DDIAS: variants seen among roughly 807,000 people sequenced by gnomAD.
DDIAS encodes DNA damage induced apoptosis suppressor.
A neutral mutation model predicts 15.7 loss-of-function variants in DDIAS; 14 were observed. The ratio of observed to expected loss-of-function variants is 0.89; its 90% CI spans 0.59 to 1.39. The LOEUF (loss-of-function observed/expected upper bound fraction) is 1.39, where lower values mean the gene tolerates loss of function less well. DDIAS is among the 40% of genes most tolerant of loss of function. The pLI is 0.00. For synonymous variants in DDIAS, 355 were observed against 395.9 expected (o/e 0.90, Z 1.23); for missense variants, 1,035 against 1,130.9 (o/e 0.92, Z 1.22).
At chr11:82,914,311 T>C (rs544800547) in intron 2 of DDIAS, 3 of 192,748 alleles carry the variant, frequency 1.6e-5, no homozygotes, top group African/African-American at 7.2e-5. Flanking sequence ...ATTTGTGCCA[T>C]CATGGTGGCA....
At chr11:82,913,497 A>C (rs1213856784) in intron 2 of DDIAS, 111 bp downstream of exon 2, 4 of 252,422 alleles carry the variant, frequency 1.6e-5, no homozygotes, top group African/African-American at 7.1e-5. Flanking sequence ...CCCCCACCTC[A>C]GTCTCTGAAA....
chr11:82,904,893 G>A (rs1432061823), intron 1 of DDIAS, among the ~76,000 whole-genome samples: 1 of 152,162 alleles, frequency 6.6e-6, no homozygotes, highest in Non-Finnish European at 1.5e-5. Context: ...TCTTCTTCAA[G>A]CAACTTTCTG....
At chr11:82,919,015 G>A (rs980154478) in intron 3 of DDIAS, among the ~76,000 whole-genome samples, 3 of 152,024 alleles carry the variant, frequency 2.0e-5, no homozygotes, top group East Asian at 3.9e-4. Context: ...TAGGGTTTTC[G>A]AGGTAAACAA....
At chr11:82,910,604 CTCTTTTTTTTTTT>C (rs1235509291) in intron 1 of DDIAS, among the ~76,000 whole-genome samples, 1 of 107,640 alleles carries the variant, frequency 9.3e-6, no homozygotes, top group Admixed American at 1.1e-4. Flanking sequence ...CTCTCTCTCT[CTCTTTTTTTTTTT>C]TTTTTTTTTT....
rs1047870518 is a variant in DDIAS at position 82,925,784 on chromosome 11, C to T, written c.114-2993C>T. ...TGGGCGGATCATGAGGTCAGGAGAT[C>T]GAGACCATCCTGGCTAACACGGTGA... On this transcript the variant is annotated intron_variant, in intron 3 of 5. Transcript: ENST00000533655. Among the ~76,000 whole-genome samples the T allele has an allele frequency of 4.6e-5, 7 of 151,886 alleles. No homozygotes were observed. In the East Asian group the frequency reaches 9.7e-4, roughly 21 times the overall value.
At position 82,928,771 on chromosome 11, in the gene DDIAS, T is replaced by C. The variant is rs750089226; in HGVS notation, c.114-6T>C. 2 of 1,612,190 alleles carry C rather than the reference T, an allele frequency of 1.2e-6. No individual in the cohort carries two copies. The highest frequency in any genetic ancestry group is 1.7e-6 in the Non-Finnish European group (2 of 1,179,454). Reference sequence around the variant, plus strand: ...ATCTCCACACTTTTTTCCACCACTTTTCTAGGTCTAATTGTCCAAAATGTG... The same window carrying C: ...ATCTCCACACTTTTTTCCACCACTTCTCTAGGTCTAATTGTCCAAAATGTG... On this transcript the variant is annotated splice_region_variant and splice_polypyrimidine_tract_variant and intron_variant, in intron 3 of 5. Transcript: ENST00000533655.
rs536519497 is a variant in DDIAS at position 82,932,396 on chromosome 11, C to A, written c.1058C>A (p.Thr353Lys). The A allele has an allele frequency of 6.2e-7, 1 of 1,614,038 alleles. No homozygotes were observed. The highest frequency in any genetic ancestry group is 1.1e-5 in the South Asian group (1 of 91,050). The change falls in exon 6 of 6, where the codon ACA becomes AAA. Residue 353 changes from threonine (T) to lysine (K), a missense_variant. Coordinates refer to ENST00000533655, the MANE Select transcript of DDIAS (RefSeq NM_145018.4). ...CGAGAGCCCCTTGAGTCAAGTAATACAAAATCCTTCCACAGTGCAGTGGAA... is the reference window on the plus strand; with the variant it reads ...CGAGAGCCCCTTGAGTCAAGTAATAAAAAATCCTTCCACAGTGCAGTGGAA... ...EMREPLESSNTKSFHSAVEIK... is the reference protein window; with the variant it reads ...EMREPLESSNKKSFHSAVEIK...
Position 82,932,006 on chromosome 11 carries a change from CT to C in DDIAS, c.670del (p.Ser224LeufsTer29). ...AGCAGCATATATACTTCTGACAGCA[CT>C]TCTGATTTTTTCAAGTCCTGCAGCA... is the stretch of plus-strand genomic sequence containing the variant. ...DLSSIYTSDS[T>X]SDFFKSCSKD... On this transcript the variant is annotated frameshift_variant, in exon 6 of 6. Transcript: ENST00000533655. LOFTEE classifies it low-confidence loss of function (END_TRUNC). The C allele has an allele frequency of 6.2e-7, 1 of 1,614,168 alleles. No homozygotes were observed. Among genetic ancestry groups the C allele is most frequent in the Non-Finnish European group, 8.5e-7 (1 of 1,180,030 alleles).
At chr11:82,928,241 CAGGCTGT>C (rs1264272108) in intron 3 of DDIAS, among the ~76,000 whole-genome samples, 1 of 117,832 alleles carries the variant, frequency 8.5e-6, no homozygotes, top group Non-Finnish European at 1.6e-5. Flanking sequence ...CTCTGCCCCC[CAGGCTGT>C]AGTGCAGTGG....
rs1278258912 is a variant in DDIAS, at chr11:82,909,536, CATAA to C, written c.-116-3745_-116-3742del. Among the ~76,000 whole-genome samples, 11 of 152,130 alleles carry C rather than the reference CATAA, an allele frequency of 7.2e-5. 1 individual carries two copies. Among genetic ancestry groups the C allele is most frequent in the African/African-American group, 2.7e-4 (11 of 41,430 alleles). On this transcript the variant is annotated intron_variant, in intron 1 of 5. Transcript: ENST00000533655. ...TTTATTCAAACACATCTGACAGAAT[CATAA>C]ATAAAGCCAATTAAGATCTTTCACA...
At position 82,928,796 on chromosome 11, in the gene DDIAS, G is replaced by C. The variant is rs773811415; in HGVS notation, c.133G>C (p.Gly45Arg). 1.2e-6 allele frequency: 2 copies of C among 1,613,206 alleles called. No individual in the cohort carries two copies. The highest frequency in any genetic ancestry group is 1.7e-6 in the Non-Finnish European group (2 of 1,179,788). ...VSKRSNCPKCGSTGESGNANY... is the reference protein window; with the variant it reads ...VSKRSNCPKCRSTGESGNANY... ...TTCTAGGTCTAATTGTCCAAAATGT[G>C]GCTCTACTGGTGAATCTGGAAATGC... is the stretch of plus-strand genomic sequence containing the variant. The change falls in exon 4 of 6, where the codon GGC (glycine) becomes CGC (arginine). Residue 45 changes from glycine to arginine, a missense_variant. Transcript: ENST00000533655.
intron 3 of DDIAS, among the ~76,000 whole-genome samples, chr11:82,921,899 G>C (rs1480519301): frequency 5.9e-5 from 9 of 152,100 alleles, no homozygotes; most frequent in Non-Finnish European, 1.3e-4. Context: ...TGTAATGGTG[G>C]TTTGGTAGTA....
chr11:82,906,171 AT>A (rs1285362141), intron 1 of DDIAS, among the ~76,000 whole-genome samples: 1 of 152,176 alleles, frequency 6.6e-6, no homozygotes, highest in East Asian at 1.9e-4. Context: ...ACCAAAGGAA[AT>A]TAATTAACAG....
intron 3 of DDIAS, among the ~76,000 whole-genome samples, chr11:82,926,459 A>G (rs1314797062): frequency 6.6e-6 from 1 of 152,214 alleles, no homozygotes; most frequent in Non-Finnish European, 1.5e-5. Context: ...ATTCTCAATA[A>G]TTTTTTAAGA....
intron 3 of DDIAS, among the ~76,000 whole-genome samples, chr11:82,927,117 A>C (rs1860879182): frequency 6.6e-6 from 1 of 152,254 alleles, no homozygotes; most frequent in Non-Finnish European, 1.5e-5. Context: ...TAAAAATGAA[A>C]TAATGTATGT....
At chr11:82,919,957 T>G (rs948783969) in intron 3 of DDIAS, among the ~76,000 whole-genome samples, 4 of 152,178 alleles carry the variant, frequency 2.6e-5, no homozygotes, top group Non-Finnish European at 5.9e-5. Context: ...TCTCCTAACC[T>G]CATGATCCGC....
At chr11:82,930,132 AT>A in intron 4 of DDIAS, 24 bp from the exon 5 acceptor site, 2 of 1,390,400 alleles carry the variant, frequency 1.4e-6, no homozygotes, top group Non-Finnish European at 2.0e-6. Flanking sequence ...ATTGCTTCAC[AT>A]TTTTTACTTT....
intron 3 of DDIAS, among the ~76,000 whole-genome samples, chr11:82,921,602 G>A (rs1390741425): frequency 1.6e-5 from 2 of 126,736 alleles, no homozygotes; most frequent in Non-Finnish European, 3.3e-5. Context: ...TTTTGAGACG[G>A]AGTTTCGCTT....
intron 1 of DDIAS, among the ~76,000 whole-genome samples, chr11:82,902,985 G>A (rs1009582061): frequency 2.0e-5 from 3 of 152,220 alleles, no homozygotes; most frequent in Admixed American, 1.3e-4. Flanking sequence ...TTTCCAAGGA[G>A]TTGATACTGA....
Sources: gnomAD v4.1 joint callset for allele counts (sites outside exome capture counted in the v4.1 genomes callset) on GRCh38, gnomAD v4.1.1 for gene constraint, MANE v1.5 for transcripts, NCBI Gene and HGNC (gene_info 2026-07-23, HGNC 2026-07-21) for gene names.